METAP1: variants seen among roughly 807,000 people sequenced by gnomAD.
METAP1 encodes the protein methionyl aminopeptidase 1.
In METAP1, 28 loss-of-function variants were observed where a neutral mutation model predicts 53.8. That is an observed-to-expected ratio of 0.52 (90% CI 0.39 to 0.71). METAP1 has a LOEUF of 0.71. METAP1 is among the 30% of genes least tolerant of loss of function. The probability of loss-of-function intolerance (pLI) is 0.00; values close to 1 mark genes in which losing one functional copy is unlikely to be tolerated. For synonymous variants in METAP1, 181 were observed against 165.7 expected, an observed-to-expected ratio of 1.09 and a Z score of -0.71; for missense variants, 389 against 479.8, an observed-to-expected ratio of 0.81 and a Z score of 1.77.
intron 2 of METAP1, 111 bp from the exon 3 acceptor site, chr4:99,034,115 CTTGG>C: frequency 1.5e-6 from 1 of 655,960 alleles, no homozygotes; most frequent in Non-Finnish European, 2.6e-6. Context: ...GACTTGTTGG[CTTGG>C]TTTTAAACAA....
At chr4:99,028,772 A>G in intron 1 of METAP1, 95 bp from the exon 2 acceptor site, 2 of 877,400 alleles carry the variant, frequency 2.3e-6, no homozygotes, top group Non-Finnish European at 3.3e-6. Context: ...GTTTTTGCAA[A>G]TAGTTTACAA....
At chr4:98,995,938 T>C in intron 1 of METAP1, 71 bp downstream of exon 1, 1 of 1,261,490 alleles carries the variant, frequency 7.9e-7, no homozygotes, top group Admixed American at 2.0e-5. Context: ...TGCTGGCTCC[T>C]CCCGCCCTTG....
chr4:99,045,362 A>C, intron 8 of METAP1, 52 bp downstream of exon 8: 1 of 1,600,368 alleles, frequency 6.2e-7, no homozygotes, highest in Non-Finnish European at 8.5e-7. Context: ...TGATGGGCCA[A>C]GAATGACTGG....
At chr4:99,031,409 A>G (rs1479178193) in intron 2 of METAP1, 1 of 1,247,294 alleles carries the variant, frequency 8.0e-7, no homozygotes, top group African/African-American at 1.6e-5. Context: ...AGCCAAAATT[A>G]AGGTATAAAA....
intron 1 of METAP1, among the ~76,000 whole-genome samples, chr4:99,015,668 G>T (rs1009686355): frequency 6.6e-6 from 1 of 152,148 alleles, no homozygotes; most frequent in African/African-American, 2.4e-5. Context: ...CGCATCTATG[G>T]GAGTGAGAGA....
intron 1 of METAP1, among the ~76,000 whole-genome samples, chr4:98,998,407 C>T (rs1194069365): frequency 6.6e-6 from 1 of 152,144 alleles, no homozygotes; most frequent in Non-Finnish European, 1.5e-5. Context: ...CCTGTAGTCC[C>T]AGCTACTCAG....
At chr4:98,997,185 A>G (rs920776446) in intron 1 of METAP1, among the ~76,000 whole-genome samples, 1 of 152,264 alleles carries the variant, frequency 6.6e-6, no homozygotes, top group African/African-American at 2.4e-5. Flanking sequence ...AGTGTTTTCC[A>G]ACATAAAACA....
chr4:99,032,231 GTTTTGTTTTT>G (rs1372646533), intron 2 of METAP1, among the ~76,000 whole-genome samples: 1 of 149,704 alleles, frequency 6.7e-6, no homozygotes, highest in Non-Finnish European at 1.5e-5. Context: ...GTTTTGTTTT[GTTTTGTTTTT>G]TTTTGAGACA....
intron 2 of METAP1, among the ~76,000 whole-genome samples, chr4:99,033,135 A>G (rs1186832002): frequency 3.3e-5 from 5 of 152,154 alleles, no homozygotes; most frequent in Non-Finnish European, 7.4e-5. Flanking sequence ...CCTCATATGT[A>G]CAATAAAGAA....
chr4:99,046,282 C>T (rs1216121224), intron 8 of METAP1, among the ~76,000 whole-genome samples: 2 of 151,946 alleles, frequency 1.3e-5, no homozygotes, highest in Non-Finnish European at 2.9e-5. Context: ...GGTGTGGTGG[C>T]GGGCGCCTGT....
chr4:99,007,551 C>T (rs149153671), intron 1 of METAP1, among the ~76,000 whole-genome samples: 1 of 151,796 alleles, frequency 6.6e-6, no homozygotes, highest in African/African-American at 2.4e-5. Flanking sequence ...GTCTGTCATT[C>T]AATAGCTGAT....
intron 1 of METAP1, among the ~76,000 whole-genome samples, chr4:99,017,387 T>C (rs559014823): frequency 3.9e-5 from 6 of 152,364 alleles, no homozygotes; most frequent in African/African-American, 1.4e-4. Flanking sequence ...AGTTATCAGG[T>C]AATTGCCCCG....
At chr4:99,056,490 T>G (rs1415438973) in intron 9 of METAP1, among the ~76,000 whole-genome samples, 1 of 152,226 alleles carries the variant, frequency 6.6e-6, no homozygotes, top group African/African-American at 2.4e-5. Flanking sequence ...AAATGGAGTT[T>G]GCTTTTTTGC....
In METAP1 at chr4:99,002,783, A is replaced by T. The variant is rs557602373; in HGVS notation, c.114+6916A>T. Among the ~76,000 whole-genome samples, 453 of 152,218 alleles carry T rather than the reference A, an allele frequency of 3.0e-3. 1 individual carries two copies. Among genetic ancestry groups the T allele is most frequent in the Non-Finnish European group, 5.3e-3 (363 of 68,024 alleles). ...TGTCTGTTGGAAAGCATTTCTAAAAACCCTGTTAAGGCCAGGCGCCGTGGC... is the reference window on the plus strand; with the variant it reads ...TGTCTGTTGGAAAGCATTTCTAAAATCCCTGTTAAGGCCAGGCGCCGTGGC... On this transcript the variant is annotated intron_variant, in intron 1 of 10. Transcript: ENST00000296411.
At chr4:99,054,274 TCAG>T (rs2110419022) in intron 9 of METAP1, among the ~76,000 whole-genome samples, 1 of 152,344 alleles carries the variant, frequency 6.6e-6, no homozygotes, top group South Asian at 2.1e-4. Flanking sequence ...AGTTTCTACA[TCAG>T]CACTTGCCGC....
rs908387551 is a variant in METAP1 at position 99,062,453 on chromosome 4, G to C, written c.*1136G>C. ...CCCCATATCTACGTTCCTTTCAGCA[G>C]TTGTCCAAGTAGGAGTGTATCCAGT... On this transcript the variant is annotated 3_prime_UTR_variant, in exon 11 of 11. Transcript: ENST00000296411. 9 of 152,738 alleles carry C rather than the reference G, an allele frequency of 5.9e-5. No individual in the cohort carries two copies. The highest frequency in any genetic ancestry group is 1.9e-4 in the African/African-American group (8 of 41,568). 9.5% of individuals were successfully genotyped at this position (152,738 alleles called of 1,614,324 possible). A position where few individuals can be genotyped will look rare whatever the true frequency, so the allele number is the denominator to read the frequency against.
At chr4:99,002,428 A>G (rs1396199961) in intron 1 of METAP1, among the ~76,000 whole-genome samples, 4 of 152,256 alleles carry the variant, frequency 2.6e-5, no homozygotes, top group East Asian at 1.9e-4. Context: ...CAGTTTTAAC[A>G]TGAAGCATTC....
chr4:99,021,054 C>T (rs556580721), intron 1 of METAP1, among the ~76,000 whole-genome samples: 1 of 152,322 alleles, frequency 6.6e-6, no homozygotes, highest in South Asian at 2.1e-4. Flanking sequence ...GATATCTTGT[C>T]TGCTCAAATG....
At chr4:99,037,612 T>C (rs75071019) in intron 4 of METAP1, among the ~76,000 whole-genome samples, 5,641 of 152,082 alleles carry the variant, frequency 0.037, 134 homozygotes, top group African/African-American at 0.058. Context: ...TGTTGTATTA[T>C]GTTCTCACAT....
Sources: allele counts gnomAD v4.1 joint callset (sites outside exome capture counted in the v4.1 genomes callset), GRCh38; gene constraint gnomAD v4.1.1; transcripts MANE v1.5; gene names NCBI Gene and HGNC (gene_info 2026-07-23, HGNC 2026-07-21).